Variants in DLG2 observed in about 807,000 individuals in gnomAD.
DLG2 encodes disks large homolog 2.
In DLG2, 45 loss-of-function variants were observed where a neutral mutation model predicts 132.5. The ratio of observed to expected loss-of-function variants is 0.34; its 90% CI spans 0.27 to 0.44. DLG2 has a LOEUF of 0.44. DLG2 is among the 20% of genes least tolerant of loss of function. The probability of loss-of-function intolerance (pLI) is 1.00; values close to 1 mark genes in which losing one functional copy is unlikely to be tolerated. For synonymous variants in DLG2, 424 were observed against 419.6 expected (o/e 1.01, Z -0.13); for missense variants, 1,045 against 1,196.9 (o/e 0.87, Z 1.87).
chr11:83,952,240 G>T (rs1453943415), intron 14 of DLG2, among the ~76,000 whole-genome samples: 2 of 152,130 alleles, frequency 1.3e-5, no homozygotes, highest in Non-Finnish European at 2.9e-5. Context: ...CAACTACTTG[G>T]AAGGCTGAGG....
intron 6 of DLG2, among the ~76,000 whole-genome samples, chr11:84,963,753 G>T (rs2052927579): frequency 6.6e-6 from 1 of 152,112 alleles, no homozygotes; most frequent in Non-Finnish European, 1.5e-5. Flanking sequence ...TCATGCTCGT[G>T]ATTATCATCA....
intron 9 of DLG2, among the ~76,000 whole-genome samples, chr11:84,099,486 G>A (rs978804863): frequency 2.0e-5 from 3 of 151,838 alleles, no homozygotes; most frequent in Admixed American, 2.0e-4. Context: ...TTCTGGTATT[G>A]TTGTTCTAAT....
At chr11:85,412,748 C>CACACAA (rs2089438156) in intron 3 of DLG2, among the ~76,000 whole-genome samples, 1 of 133,572 alleles carries the variant, frequency 7.5e-6, no homozygotes, top group Admixed American at 7.9e-5. Flanking sequence ...CACACACACA[C>CACACAA]ACACACACAC....
intron 6 of DLG2, among the ~76,000 whole-genome samples, chr11:85,042,225 C>T (rs180706569): frequency 9.9e-5 from 15 of 151,978 alleles, no homozygotes; most frequent in Middle Eastern, 3.4e-3. Context: ...TAGATGTATA[C>T]GTTTGAGAAT....
chr11:84,579,353 C>T (rs2099511072), intron 6 of DLG2, among the ~76,000 whole-genome samples: 1 of 152,080 alleles, frequency 6.6e-6, no homozygotes, highest in African/African-American at 2.4e-5. Flanking sequence ...CAATAATACA[C>T]AGTGCCAAAA....
intron 8 of DLG2, among the ~76,000 whole-genome samples, chr11:84,233,507 T>C (rs2097121794): frequency 6.6e-6 from 1 of 152,190 alleles, no homozygotes; most frequent in Admixed American, 6.5e-5. Flanking sequence ...ATGCTCCATC[T>C]TCCCTTTCTT....
At chr11:84,994,638 G>GA (rs766639776) in intron 6 of DLG2, among the ~76,000 whole-genome samples, 39 of 152,260 alleles carry the variant, frequency 2.6e-4, no homozygotes, top group Non-Finnish European at 4.6e-4. Context: ...AGCTTTGGGG[G>GA]AGATTATCAC....
intron 7 of DLG2, among the ~76,000 whole-genome samples, chr11:84,465,315 C>T (rs2099091275): frequency 2.0e-5 from 3 of 151,044 alleles, no homozygotes; most frequent in Admixed American, 2.0e-4. Flanking sequence ...ATGGCTTCTG[C>T]CAGTGGGTTT....
chr11:85,289,895 T>C (rs925694121), intron 3 of DLG2, among the ~76,000 whole-genome samples: 1 of 152,202 alleles, frequency 6.6e-6, no homozygotes, highest in Non-Finnish European at 1.5e-5. Flanking sequence ...ACTCAAATAG[T>C]TATTTCTCTT....
chr11:84,380,843 C>A (rs1028596450), intron 7 of DLG2, among the ~76,000 whole-genome samples: 13 of 151,694 alleles, frequency 8.6e-5, no homozygotes, highest in Non-Finnish European at 1.6e-4. Flanking sequence ...AGAAGAGTAC[C>A]AGGAACATCA....
chr11:84,807,395 G>A (rs954270656), intron 6 of DLG2, among the ~76,000 whole-genome samples: 5 of 152,078 alleles, frequency 3.3e-5, no homozygotes, highest in African/African-American at 7.2e-5. Context: ...GCAGTGAGCC[G>A]AGATTGTGCC....
At chr11:85,546,219 T>C (rs905829240) in intron 3 of DLG2, among the ~76,000 whole-genome samples, 2 of 152,220 alleles carry the variant, frequency 1.3e-5, no homozygotes, top group Non-Finnish European at 2.9e-5. Flanking sequence ...TCAAAGACCA[T>C]CTTTATTTCT....
chr11:84,868,456 T>C (rs2084970691), intron 6 of DLG2, among the ~76,000 whole-genome samples: 1 of 152,148 alleles, frequency 6.6e-6, no homozygotes, highest in Admixed American at 6.5e-5. Context: ...GGATTCAATT[T>C]TTGGCTTTTG....
chr11:85,627,720 T>C (rs1247968107), upstream of DLG2: 1 of 152,284 alleles, frequency 6.6e-6, no homozygotes, highest in Admixed American at 6.5e-5. Context: ...AGACATTTCT[T>C]TGCCACCGCT....
intron 8 of DLG2, among the ~76,000 whole-genome samples, chr11:84,187,523 A>G (rs2096300912): frequency 6.6e-6 from 1 of 152,058 alleles, no homozygotes; most frequent in African/African-American, 2.4e-5. Flanking sequence ...GTTTCACCCA[A>G]TTGCTGTTTT....
chr11:85,199,327 A>G (rs1423805212), intron 4 of DLG2, among the ~76,000 whole-genome samples: 1 of 152,228 alleles, frequency 6.6e-6, no homozygotes, highest in Non-Finnish European at 1.5e-5. Flanking sequence ...TTCTATTTAC[A>G]AGAAGTTCTA....
chr11:85,388,781 C>T (rs1596782827), intron 3 of DLG2, among the ~76,000 whole-genome samples: 1 of 152,126 alleles, frequency 6.6e-6, no homozygotes, highest in South Asian at 2.1e-4. Context: ...CAGGAAGCCC[C>T]ATCCCTAGGA....
intron 7 of DLG2, among the ~76,000 whole-genome samples, chr11:84,513,755 T>C (rs1414288209): frequency 6.6e-6 from 1 of 150,752 alleles, no homozygotes; most frequent in Non-Finnish European, 1.5e-5. Context: ...AAAAAAACCA[T>C]CCAGGACATT....
chr11:85,272,743 G>A (rs922669064), intron 4 of DLG2, among the ~76,000 whole-genome samples: 12 of 151,846 alleles, frequency 7.9e-5, no homozygotes, highest in Admixed American at 6.6e-4. Context: ...CACAGAATTG[G>A]AAAAAGCTAC....
Sources: gnomAD v4.1 joint callset for allele counts (sites outside exome capture counted in the v4.1 genomes callset) on GRCh38, gnomAD v4.1.1 for gene constraint, MANE v1.5 for transcripts, NCBI Gene and HGNC (gene_info 2026-07-23, HGNC 2026-07-21) for gene names.